Variants in TIAM1 observed in about 807,000 individuals in gnomAD.
TIAM1 encodes TIAM Rac1 associated GEF 1.
TIAM1 carries 65 observed loss-of-function variants against 163.5 expected under a neutral mutation model. The observed-to-expected ratio is 0.40, with a 90% CI of 0.33 to 0.49. The LOEUF (loss-of-function observed/expected upper bound fraction) is 0.49, where lower values mean the gene tolerates loss of function less well. TIAM1 is among the 20% of genes least tolerant of loss of function. TIAM1 has a pLI of 0.77. For synonymous variants in TIAM1, 833 were observed against 810.1 expected, an observed-to-expected ratio of 1.03 and a Z score of -0.48; for missense variants, 1,789 against 2,044.7, an observed-to-expected ratio of 0.87 and a Z score of 2.41.
Position 31,141,135 on chromosome 21 carries a change from T to C in TIAM1, c.3757A>G (p.Thr1253Ala). ...ACCCTCACCTCTTTTTTCTCACCAGTCTGTTCAGCAATCAGCTGGTCAAAC... is the reference window on the plus strand; with the variant it reads ...ACCCTCACCTCTTTTTTCTCACCAGCCTGTTCAGCAATCAGCTGGTCAAAC... ...AVFDQLIAEQ[T>A]GEKKEVADLS... The change falls in exon 22 of 28, where the codon ACT (threonine) becomes GCT (alanine). Residue 1253 changes from threonine (T) to alanine (A), a missense_variant. By Grantham distance (58) the Thr-to-Ala change is moderately conservative (BLOSUM62 0). Coordinates refer to ENST00000541036, the MANE Select transcript of TIAM1 (RefSeq NM_001353694.2). The surrounding 1 kb of genome is among the most constrained non-coding windows in gnomAD (Gnocchi z 4.7). 6.2e-7 allele frequency: 1 copy of C among 1,613,902 alleles called. No homozygotes were observed. Among genetic ancestry groups the C allele is most frequent in the Non-Finnish European group, 8.5e-7 (1 of 1,179,840 alleles).
chr21:31,372,279 C>T (rs2076608721), intron 2 of TIAM1, among the ~76,000 whole-genome samples: 2 of 152,146 alleles, frequency 1.3e-5, no homozygotes, highest in Admixed American at 1.3e-4. Flanking sequence ...GCTGGGGTTC[C>T]CCGGCTTTCT....
Position 31,146,958 on chromosome 21 carries a change from G to T in TIAM1, c.3412C>A (p.Arg1138Ser). The part of the protein sequence containing the change: ...LGGSFLYYAD[R>S]FKLYSAFCAS... ...CAGAAGGCACTGTAGAGCTTGAAGC[G>T]GTCAGCATAATACAGGAATGATCCC... Residue 1138 changes from arginine to serine, a missense_variant, in exon 20 of 28, where the codon CGC becomes AGC. By Grantham distance (110) the Arg-to-Ser change is moderately radical (BLOSUM62 -1). This residue lies in a region of TIAM1 where 303 missense variants were observed against 321.3 expected (regional missense o/e 0.94). Coordinates refer to ENST00000541036, the MANE Select transcript of TIAM1 (RefSeq NM_001353694.2). 1.2e-6 allele frequency: 2 copies of T among 1,614,060 alleles called. No individual in the cohort carries two copies. The highest frequency in any genetic ancestry group is 1.7e-6 in the Non-Finnish European group (2 of 1,180,000).
chr21:31,174,340 C>T (rs1026760890), intron 15 of TIAM1, among the ~76,000 whole-genome samples: 2 of 152,218 alleles, frequency 1.3e-5, no homozygotes, highest in Non-Finnish European at 2.9e-5. Flanking sequence ...TCGACTTTCA[C>T]GGCTATCACA....
chr21:31,234,138 G>C (rs1194715696), intron 6 of TIAM1, among the ~76,000 whole-genome samples: 1 of 152,100 alleles, frequency 6.6e-6, no homozygotes, highest in East Asian at 1.9e-4. Flanking sequence ...GAAAGGCAGA[G>C]ACTAAAGCAC....
chr21:31,147,576 G>A (rs2083180537), intron 19 of TIAM1, among the ~76,000 whole-genome samples: 1 of 151,096 alleles, frequency 6.6e-6, no homozygotes, highest in African/African-American at 2.4e-5. Context: ...CAACTGGGTA[G>A]AGGCCTTCTC....
chr21:31,152,985 C>T (rs1416703665), intron 18 of TIAM1, 81 bp downstream of exon 18: 35 of 1,373,612 alleles, frequency 2.5e-5, no homozygotes, highest in East Asian at 4.6e-5. Flanking sequence ...TTCAGTGTTA[C>T]GCATGTCCCC....
chr21:31,414,833 A>G lies in TIAM1; in HGVS notation c.-369+49150T>C, dbSNP rs150381112. ...AGGTCACGTCCAAACAAATATGTCA[A>G]CCAAACGAAGAGAGTCCCAAAAGGC... On this transcript the variant is annotated intron_variant, in intron 2 of 28. Transcript: ENST00000286827. 2.7e-3 allele frequency among the ~76,000 whole-genome samples: 407 copies of G among 152,336 alleles called. 4 individuals carry two copies. Among genetic ancestry groups the G allele is most frequent in the African/African-American group, 9.1e-3 (380 of 41,578 alleles).
intron 25 of TIAM1, among the ~76,000 whole-genome samples, chr21:31,128,369 G>T (rs1237951266): frequency 6.6e-6 from 1 of 152,170 alleles, no homozygotes; most frequent in Non-Finnish European, 1.5e-5. Context: ...TGACTTGAAT[G>T]AAAAATAGAG....
In TIAM1 at chr21:31,321,147, CG is replaced by C. The variant is rs563672030; in HGVS notation, c.-189+18095del. ...AGCCTGGGCCACAGAAAGAAGGGGG[CG>C]GGGGGGGATGACCTGAGAGTTATAG... is the stretch of plus-strand genomic sequence containing the variant. On this transcript the variant is annotated intron_variant, in intron 2 of 27. Coordinates refer to ENST00000541036, the MANE Select transcript of TIAM1 (RefSeq NM_001353694.2). 4.7e-3 allele frequency among the ~76,000 whole-genome samples: 709 copies of C among 149,598 alleles called. 6 individuals are homozygous for C. The highest frequency in any genetic ancestry group is 0.016 in the African/African-American group (649 of 40,692).
At chr21:31,133,873 T>C (rs1362393551) in intron 23 of TIAM1, among the ~76,000 whole-genome samples, 1 of 152,042 alleles carries the variant, frequency 6.6e-6, no homozygotes, top group Admixed American at 6.6e-5. Context: ...ATTGAGACCA[T>C]CTTGGCCAAC....
intron 2 of TIAM1, chr21:31,452,468 G>A: frequency 1.9e-6 from 1 of 515,454 alleles, no homozygotes. Context: ...TAAGCGCCAT[G>A]GCTATGACTA....
At chr21:31,462,892 G>A (rs1010819389) in intron 2 of TIAM1, among the ~76,000 whole-genome samples, 2 of 152,080 alleles carry the variant, frequency 1.3e-5, no homozygotes, top group African/African-American at 2.4e-5. Context: ...ACAGGCACCT[G>A]CCACCATGCC....
chr21:31,129,069 A>G (rs188983589), intron 25 of TIAM1, among the ~76,000 whole-genome samples: 274 of 152,318 alleles, frequency 1.8e-3, no homozygotes, highest in Non-Finnish European at 2.9e-3. Flanking sequence ...TCTACCACCA[A>G]GGCTTTTCTT....
intron 2 of TIAM1, among the ~76,000 whole-genome samples, chr21:31,313,293 G>T (rs2074996891): frequency 6.6e-6 from 1 of 152,102 alleles, no homozygotes; most frequent in East Asian, 1.9e-4. Context: ...CTTCCGGAGG[G>T]GGATGGGGGT....
In TIAM1 at chr21:31,426,772, A is replaced by G. The variant is rs185012414; in HGVS notation, c.-369+37211T>C. On this transcript the variant is annotated intron_variant, in intron 2 of 28. Coordinates refer to the TIAM1 transcript ENST00000286827. Reference sequence around the variant, plus strand: ...AAATTAACTTGAAAGAAAAGTCATCAGAACAGCAAGAAAAAGCAATTTGTA... The same window carrying G: ...AAATTAACTTGAAAGAAAAGTCATCGGAACAGCAAGAAAAAGCAATTTGTA... 6.4e-3 allele frequency among the ~76,000 whole-genome samples: 979 copies of G among 152,304 alleles called. 9 individuals carry two copies. Among genetic ancestry groups the G allele is most frequent in the Middle Eastern group, 0.041 (12 of 294 alleles).
At chr21:31,221,899 T>C (rs1460790593) in intron 8 of TIAM1, among the ~76,000 whole-genome samples, 2 of 152,186 alleles carry the variant, frequency 1.3e-5, no homozygotes, top group Non-Finnish European at 2.9e-5. Flanking sequence ...GAAATAGATC[T>C]GGAGTCAAAA....
intron 1 of TIAM1, among the ~76,000 whole-genome samples, chr21:31,488,394 A>T (rs1569376542): frequency 6.6e-6 from 1 of 152,216 alleles, no homozygotes; most frequent in Admixed American, 6.5e-5. Flanking sequence ...ATACAAAATT[A>T]TATCTGTATT....
intron 1 of TIAM1, among the ~76,000 whole-genome samples, chr21:31,533,544 G>A (rs1010583691): frequency 6.6e-6 from 1 of 151,942 alleles, no homozygotes; most frequent in Non-Finnish European, 1.5e-5. Context: ...ACTTGAGGTC[G>A]GGAGTTCAAG....
intron 1 of TIAM1, among the ~76,000 whole-genome samples, chr21:31,542,779 GT>G (rs1301761153): frequency 6.6e-6 from 1 of 152,004 alleles, no homozygotes; most frequent in Non-Finnish European, 1.5e-5. Flanking sequence ...CCAAGGCCTG[GT>G]CAACATGGCA....
Sources: allele counts gnomAD v4.1 joint callset (sites outside exome capture counted in the v4.1 genomes callset), GRCh38; gene constraint gnomAD v4.1.1; regional missense constraint gnomAD v4.1.1; non-coding constraint Gnocchi (gnomAD v3.1); transcripts MANE v1.5; gene names NCBI Gene and HGNC (gene_info 2026-07-23, HGNC 2026-07-21).